EXOC6B: variants seen among roughly 807,000 people sequenced by gnomAD.
EXOC6B encodes the protein SEC15 homolog B.
In EXOC6B, 54 loss-of-function variants were observed where a neutral mutation model predicts 113.5. The observed-to-expected ratio is 0.48, with a 90% CI of 0.38 to 0.60. EXOC6B has a LOEUF of 0.60. EXOC6B is among the 20% of genes least tolerant of loss of function. EXOC6B has a pLI of 0.00. For synonymous variants in EXOC6B, 357 were observed against 339.0 expected (o/e 1.05, Z -0.58); for missense variants, 797 against 977.5 (o/e 0.82, Z 2.46).
intron 19 of EXOC6B, among the ~76,000 whole-genome samples, chr2:72,346,169 A>G (rs1020177790): frequency 1.3e-5 from 2 of 152,296 alleles, no homozygotes; most frequent in Middle Eastern, 3.4e-3. Context: ...AATTTTTTCT[A>G]AAGTTCAATT....
At chr2:72,230,447 C>T (rs1410669554) in intron 20 of EXOC6B, among the ~76,000 whole-genome samples, 1 of 152,142 alleles carries the variant, frequency 6.6e-6, no homozygotes, top group East Asian at 1.9e-4. Context: ...GCAATTCCTT[C>T]TTGTGTCAAA....
chr2:72,616,240 T>C (rs1671378944), intron 6 of EXOC6B, among the ~76,000 whole-genome samples: 2 of 151,952 alleles, frequency 1.3e-5, no homozygotes, highest in Admixed American at 1.3e-4. Context: ...TGTATCAAAA[T>C]ACCAATGACA....
intron 20 of EXOC6B, among the ~76,000 whole-genome samples, chr2:72,200,670 G>A (rs1005382123): frequency 2.6e-5 from 4 of 152,196 alleles, no homozygotes; most frequent in Admixed American, 6.5e-5. Context: ...CATGAATGGG[G>A]CTGTGGTTGG....
intron 19 of EXOC6B, among the ~76,000 whole-genome samples, chr2:72,344,749 T>C (rs536968543): frequency 6.6e-6 from 1 of 152,028 alleles, no homozygotes. Flanking sequence ...TCTCCAATTA[T>C]GCAGTTGCTT....
intron 18 of EXOC6B, among the ~76,000 whole-genome samples, chr2:72,403,595 G>A (rs1693492980): frequency 6.6e-6 from 1 of 152,214 alleles, no homozygotes; most frequent in African/African-American, 2.4e-5. Context: ...ATAAGAGACT[G>A]AGGTGGGAGG....
At chr2:72,667,064 C>T (rs529302826) in intron 6 of EXOC6B, among the ~76,000 whole-genome samples, 6 of 151,994 alleles carry the variant, frequency 3.9e-5, no homozygotes, top group Admixed American at 6.6e-5. Context: ...GGGGTTTCAC[C>T]GTATTAGCCA....
intron 20 of EXOC6B, among the ~76,000 whole-genome samples, chr2:72,274,972 A>T (rs535498692): frequency 6.6e-5 from 10 of 152,296 alleles, no homozygotes; most frequent in African/African-American, 2.4e-4. Context: ...AGAATGATGC[A>T]GAGTTCTTTT....
chr2:72,658,896 A>T (rs1031829060), intron 6 of EXOC6B, among the ~76,000 whole-genome samples: 4 of 152,126 alleles, frequency 2.6e-5, no homozygotes, highest in Non-Finnish European at 4.4e-5. Flanking sequence ...TAAAAATTAT[A>T]CAAACCATGA....
At chr2:72,227,816 T>C (rs1681340065) in intron 20 of EXOC6B, among the ~76,000 whole-genome samples, 1 of 152,242 alleles carries the variant, frequency 6.6e-6, no homozygotes, top group South Asian at 2.1e-4. Flanking sequence ...CCTAGGATGT[T>C]TATAATTTTA....
At chr2:72,555,525 CAT>C (rs1443785946) in intron 8 of EXOC6B, among the ~76,000 whole-genome samples, 1 of 152,158 alleles carries the variant, frequency 6.6e-6, no homozygotes, top group African/African-American at 2.4e-5. Flanking sequence ...AGCATTTTTT[CAT>C]ATGTCTGTTG....
intron 20 of EXOC6B, among the ~76,000 whole-genome samples, chr2:72,197,838 TG>T (rs1679265187): frequency 6.6e-6 from 1 of 152,174 alleles, no homozygotes; most frequent in South Asian, 2.1e-4. Flanking sequence ...TAGTGGGTAG[TG>T]GGGGCTATGG....
At chr2:72,186,087 A>T (rs1212879310) in intron 20 of EXOC6B, among the ~76,000 whole-genome samples, 1 of 152,094 alleles carries the variant, frequency 6.6e-6, no homozygotes, top group African/African-American at 2.4e-5. Context: ...ATCCTTTTTT[A>T]TGGCTGCATA....
chr2:72,216,202 A>C (rs762242402), intron 20 of EXOC6B, among the ~76,000 whole-genome samples: 1 of 152,284 alleles, frequency 6.6e-6, no homozygotes, highest in African/African-American at 2.4e-5. Context: ...ATGAAGCACA[A>C]AGGGAAGACT....
chr2:72,741,171 G>A (rs1445756379), intron 2 of EXOC6B, 133 bp downstream of exon 2: 1 of 856,828 alleles, frequency 1.2e-6, no homozygotes, highest in African/African-American at 1.7e-5. Context: ...GTACGTTTCA[G>A]TATAAATTCC....
At chr2:72,525,529 A>G (rs1000737635) in intron 8 of EXOC6B, among the ~76,000 whole-genome samples, 3 of 152,128 alleles carry the variant, frequency 2.0e-5, no homozygotes, top group African/African-American at 7.2e-5. Context: ...CTCAATGATG[A>G]AGGTTAATTC....
At chr2:72,323,072 A>G (rs887131798) in intron 20 of EXOC6B, among the ~76,000 whole-genome samples, 16 of 152,190 alleles carry the variant, frequency 1.1e-4, no homozygotes, top group African/African-American at 3.9e-4. Flanking sequence ...AATGGGAGAA[A>G]ATTTTTGCAA....
At chr2:72,295,608 A>G (rs1397137936) in intron 20 of EXOC6B, among the ~76,000 whole-genome samples, 2 of 152,144 alleles carry the variant, frequency 1.3e-5, no homozygotes, top group Non-Finnish European at 2.9e-5. Flanking sequence ...TCTATGGTCA[A>G]GGAACACCAC....
chr2:72,719,422 T>C (rs1237891452), intron 5 of EXOC6B, among the ~76,000 whole-genome samples: 2 of 152,216 alleles, frequency 1.3e-5, no homozygotes, highest in African/African-American at 4.8e-5. Flanking sequence ...AAGGGCTTGA[T>C]AAACTCCGCA....
chr2:72,334,215 C>T (rs1381610432), intron 20 of EXOC6B, among the ~76,000 whole-genome samples: 1 of 152,064 alleles, frequency 6.6e-6, no homozygotes, highest in African/African-American at 2.4e-5. Context: ...ACTAGGCCCC[C>T]GCTCACCCTG....
Sources: gnomAD v4.1 joint callset for allele counts (sites outside exome capture counted in the v4.1 genomes callset) on GRCh38, gnomAD v4.1.1 for gene constraint, MANE v1.5 for transcripts, NCBI Gene and HGNC (gene_info 2026-07-23, HGNC 2026-07-21) for gene names.